The following TAOK1 variants were observed in gnomAD, a reference collection of about 807,000 sequenced individuals.
TAOK1 encodes the protein TAO kinase 1, also known as serine/threonine-protein kinase TAO1.
TAOK1 carries 21 observed loss-of-function variants against 138.3 expected under a neutral mutation model. The observed-to-expected ratio is 0.15, with a 90% CI of 0.11 to 0.22. The LOEUF is 0.22. Ranked by LOEUF, TAOK1 falls within the 10% of genes least tolerant of loss-of-function variation. The pLI, the probability that TAOK1 is intolerant of heterozygous loss-of-function variation, is 1.00. For missense variants in TAOK1, 651 were observed against 1,227.7 expected (o/e 0.53, Z 7.02); for synonymous variants, 361 against 398.4 (o/e 0.91, Z 1.12).
intron 18 of TAOK1, among the ~76,000 whole-genome samples, chr17:29,532,998 ACCTCCAACCGGGCGGGGGGCTGACCCCC>A: frequency 1.0e-3 from 2 of 1,954 alleles, no homozygotes; most frequent in African/African-American, 4.8e-3. Context: ...TGACCCCCCC[ACCTCCAACCGGGCGGGGGGCTGACCCCC>A]ACCTCCCTCC....
intron 2 of TAOK1, among the ~76,000 whole-genome samples, chr17:29,455,024 C>T (rs1385020649): frequency 6.6e-6 from 1 of 152,142 alleles, no homozygotes; most frequent in Non-Finnish European, 1.5e-5. Context: ...GATTCTCCTG[C>T]CTCAGTCTCC....
At chr17:29,487,427 G>A (rs1360618689) in intron 8 of TAOK1, among the ~76,000 whole-genome samples, 2 of 152,046 alleles carry the variant, frequency 1.3e-5, no homozygotes, top group Non-Finnish European at 2.9e-5. Flanking sequence ...GTACAGATAG[G>A]TGTATAAATG....
chr17:29,481,354 C>T (rs769704459), intron 7 of TAOK1, among the ~76,000 whole-genome samples: 15 of 151,832 alleles, frequency 9.9e-5, no homozygotes, highest in Non-Finnish European at 1.9e-4. Flanking sequence ...CCACCACACC[C>T]GGCTAATTTT....
chr17:29,461,728 G>T (rs193209660), intron 2 of TAOK1, among the ~76,000 whole-genome samples: 1 of 151,446 alleles, frequency 6.6e-6, no homozygotes, highest in Non-Finnish European at 1.5e-5. Flanking sequence ...ACAGATTTGT[G>T]TAATGAAATG....
intron 2 of TAOK1, among the ~76,000 whole-genome samples, chr17:29,453,502 T>C (rs1242017245): frequency 2.6e-5 from 4 of 152,066 alleles, no homozygotes; most frequent in Non-Finnish European, 1.5e-5. Context: ...CCTCTTGCCT[T>C]AGCCTCCTGA....
intron 1 of TAOK1, among the ~76,000 whole-genome samples, chr17:29,405,525 TC>T (rs1421075648): frequency 6.6e-6 from 1 of 152,062 alleles, no homozygotes; most frequent in Non-Finnish European, 1.5e-5. Context: ...ATGCCTGTAA[TC>T]CCAGCATTTT....
At position 29,478,820 on chromosome 17, in the gene TAOK1, A is replaced by G. The variant is rs145917081; in HGVS notation, c.449+473A>G. 4.9e-4 allele frequency among the ~76,000 whole-genome samples: 74 copies of G among 152,244 alleles called. No individual in the cohort carries two copies. In the East Asian group the frequency reaches 0.014, roughly 29 times the overall value. On this transcript the variant is annotated intron_variant, in intron 6 of 19. Transcript: ENST00000261716. ...TTATTCCATTGATTCTATGACATGG[A>G]CGAATAAAAGCTGCTTAAGGCCAGG...
intron 10 of TAOK1, among the ~76,000 whole-genome samples, chr17:29,493,062 C>T (rs1353925658): frequency 6.6e-6 from 1 of 151,888 alleles, no homozygotes; most frequent in Non-Finnish European, 1.5e-5. Context: ...AAGCTTGAAC[C>T]CCAGGAGGCA....
Position 29,495,592 on chromosome 17 carries a change from C to T in TAOK1, c.864C>T (p.Thr288=), listed in dbSNP as rs754479373. The T allele has an allele frequency of 3.9e-5, 62 of 1,604,702 alleles. No homozygotes were observed. The highest frequency in any genetic ancestry group is 2.0e-4 in the South Asian group (18 of 89,424). ...TTGTTCTTCGGGAGCGCCCTGAAAC[C>T]GTGTTAATAGATCTCATTCAGAGGA... The part of the protein sequence containing the change: ...HIFVLRERPE[T]VLIDLIQRTK... The change falls in exon 11 of 20, where the codon ACC becomes ACT. Residue 288 remains threonine, a synonymous_variant. Transcript: ENST00000261716.
At position 29,517,604 on chromosome 17, in the gene TAOK1, A is replaced by G; in HGVS notation, c.1856A>G (p.Lys619Arg). Residue 619 changes from lysine (K) to arginine (R), a missense_variant, in exon 16 of 20, where the codon AAG becomes AGG. This residue lies in a region of TAOK1 where 258 missense variants were observed against 548.9 expected (regional missense o/e 0.47). Transcript: ENST00000261716. ...CTAGAGCTGGAATGCCGTCGCTTCA[A>G]GAGAAGAATGTTACTTGGGCGTCAT... ...QYLELECRRF[K>R]RRMLLGRHNL... 1 of 1,613,508 alleles carries G rather than the reference A, an allele frequency of 6.2e-7. No individual in the cohort carries two copies. Among genetic ancestry groups the G allele is most frequent in the Non-Finnish European group, 8.5e-7 (1 of 1,180,016 alleles).
chr17:29,470,914 G>A (rs1303337326), intron 3 of TAOK1, among the ~76,000 whole-genome samples: 1 of 152,176 alleles, frequency 6.6e-6, no homozygotes, highest in East Asian at 1.9e-4. Context: ...CTTGAGGTCA[G>A]GAGTTTGAGA....
chr17:29,543,909 G>GT lies in TAOK1; in HGVS notation c.*888dup, dbSNP rs2032360348. 1 of 152,146 alleles carries GT rather than the reference G, an allele frequency of 6.6e-6. No homozygotes were observed. Among genetic ancestry groups the GT allele is most frequent in the Non-Finnish European group, 1.5e-5 (1 of 68,038 alleles). 9.4% of individuals were successfully genotyped at this position (152,146 alleles called of 1,614,324 possible). ...GGGGCCCTGAAAGTTCATATGGTGG[G>GT]TATGTCCCGCAGCAGAGTGAGGAGA... On this transcript the variant is annotated 3_prime_UTR_variant, in exon 20 of 20. Coordinates refer to ENST00000261716, the MANE Select transcript of TAOK1 (RefSeq NM_020791.4).
At chr17:29,506,474 A>T (rs1339517926) in intron 13 of TAOK1, among the ~76,000 whole-genome samples, 13 of 152,184 alleles carry the variant, frequency 8.5e-5, no homozygotes, top group Non-Finnish European at 1.9e-4. Flanking sequence ...TTAGGGAGAG[A>T]GAGAAATGGG....
intron 3 of TAOK1, among the ~76,000 whole-genome samples, chr17:29,470,881 G>A (rs965877669): frequency 1.3e-5 from 2 of 152,184 alleles, no homozygotes; most frequent in Non-Finnish European, 2.9e-5. Flanking sequence ...CCAGCACTTT[G>A]GAAGGCCGAG....
At chr17:29,539,320 G>T (rs765774260) in intron 19 of TAOK1, among the ~76,000 whole-genome samples, 3 of 152,068 alleles carry the variant, frequency 2.0e-5, no homozygotes, top group Non-Finnish European at 2.9e-5. Context: ...GAAGAGGCCG[G>T]ATCGCTTGAG....
chr17:29,449,701 G>C (rs890100003), intron 1 of TAOK1, among the ~76,000 whole-genome samples: 3 of 151,822 alleles, frequency 2.0e-5, no homozygotes, highest in Non-Finnish European at 4.4e-5. Flanking sequence ...ATTAGCCGGG[G>C]GCGGTGGTGC....
At chr17:29,416,087 A>G (rs1905257489) in intron 1 of TAOK1, among the ~76,000 whole-genome samples, 1 of 151,842 alleles carries the variant, frequency 6.6e-6, no homozygotes, top group Non-Finnish European at 1.5e-5. Context: ...ACATGACGAA[A>G]CCCCATCTCT....
chr17:29,490,909 C>G (rs1030966640), intron 9 of TAOK1, among the ~76,000 whole-genome samples: 7 of 152,108 alleles, frequency 4.6e-5, no homozygotes, highest in Admixed American at 4.6e-4. Context: ...AGAACCCTCT[C>G]CCACAAGCCC....
chr17:29,393,509 G>C (rs1410785574), intron 1 of TAOK1, among the ~76,000 whole-genome samples: 5 of 152,154 alleles, frequency 3.3e-5, no homozygotes, highest in African/African-American at 1.2e-4. Flanking sequence ...GATGACCTCT[G>C]ATGCCACTGT....
Sources: gnomAD v4.1 joint callset for allele counts (sites outside exome capture counted in the v4.1 genomes callset) on GRCh38, gnomAD v4.1.1 for gene constraint, gnomAD v4.1.1 regional missense constraint, MANE v1.5 for transcripts, NCBI Gene and HGNC (gene_info 2026-07-23, HGNC 2026-07-21) for gene names.